DNTT: variants seen among roughly 807,000 people sequenced by gnomAD.
DNTT encodes DNA nucleotidylexotransferase, also known as nucleosidetriphosphate:DNA deoxynucleotidylexotransferase.
A neutral mutation model predicts 60.9 loss-of-function variants in DNTT; 47 were observed. The observed-to-expected ratio is 0.77, with a 90% CI of 0.61 to 0.98. DNTT has a LOEUF of 0.98. Ranked by LOEUF, DNTT falls within the 50% of genes least tolerant of loss-of-function variation. DNTT has a pLI of 0.00. For synonymous variants in DNTT, 224 were observed against 221.2 expected, an observed-to-expected ratio of 1.01 and a Z score of -0.11; for missense variants, 665 against 627.5, an observed-to-expected ratio of 1.06 and a Z score of -0.64.
Position 96,304,527 on chromosome 10 carries a change from C to T in DNTT, c.30C>T (p.Ser10=). The T allele has an allele frequency of 6.2e-7, 1 of 1,613,980 alleles. No homozygotes were observed. Among genetic ancestry groups the T allele is most frequent in the Non-Finnish European group, 8.5e-7 (1 of 1,180,012 alleles). MDPPRASHL[S]PRKKRPRQTG... Reference sequence around the variant, plus strand: ...ATCCACCACGAGCGTCCCACTTGAGCCCTCGGAAGAAGAGACCCCGGCAGA... The same window carrying T: ...ATCCACCACGAGCGTCCCACTTGAGTCCTCGGAAGAAGAGACCCCGGCAGA... Residue 10 remains serine (S), a synonymous_variant, in exon 1 of 11, where the codon AGC becomes AGT. Transcript: ENST00000371174.
chr10:96,336,027 C>G, intron 10 of DNTT, 53 bp downstream of exon 10: 4 of 1,583,132 alleles, frequency 2.5e-6, no homozygotes, highest in Non-Finnish European at 3.5e-6. Context: ...CCAAGGCTGG[C>G]CCCCGAGCTT....
chr10:96,325,305 GA>G (rs781175018), intron 6 of DNTT, among the ~76,000 whole-genome samples: 2 of 151,856 alleles, frequency 1.3e-5, no homozygotes. Context: ...AAGAGTCTAA[GA>G]AAAAAAGATC....
intron 3 of DNTT, 44 bp from the exon 4 acceptor site, chr10:96,320,574 G>T: frequency 6.2e-7 from 1 of 1,605,282 alleles, no homozygotes. Context: ...ACTGGCTCAG[G>T]GGCTTGGAAG....
intron 8 of DNTT, 109 bp downstream of exon 8, chr10:96,328,939 A>T (rs1004367941): frequency 1.8e-6 from 2 of 1,129,356 alleles, no homozygotes; most frequent in African/African-American, 3.1e-5. Context: ...TCAATTCTCA[A>T]TTATTTGTGG....
chr10:96,334,575 G>C (rs766630920), intron 9 of DNTT, among the ~76,000 whole-genome samples: 3 of 152,160 alleles, frequency 2.0e-5, no homozygotes, highest in Non-Finnish European at 4.4e-5. Flanking sequence ...GTTCTCAGCC[G>C]TGGGTTAAAT....
In DNTT at chr10:96,322,372, A is replaced by T. The variant is rs76381772; in HGVS notation, c.679-285A>T. On this transcript the variant is annotated intron_variant, in intron 4 of 10. Coordinates refer to ENST00000371174, the MANE Select transcript of DNTT (RefSeq NM_004088.4). ...AATTATCACCAATATTTGGACATACATTTTTCAGTGAATATTTTGGTTTGG... is the reference window on the plus strand; with the variant it reads ...AATTATCACCAATATTTGGACATACTTTTTTCAGTGAATATTTTGGTTTGG... Among the ~76,000 whole-genome samples, 4 of 152,256 alleles carry T rather than the reference A, an allele frequency of 2.6e-5. No individual in the cohort carries two copies. In the East Asian group the frequency reaches 7.7e-4, roughly 29 times the overall value.
intron 9 of DNTT, 46 bp downstream of exon 9, chr10:96,332,642 A>G: frequency 6.3e-7 from 1 of 1,596,088 alleles, no homozygotes; most frequent in Non-Finnish European, 8.6e-7. Context: ...TTTCTGAAAG[A>G]CGTAGGCCGA....
Position 96,338,221 on chromosome 10 carries a change from C to T in DNTT, c.1527C>T (p.Ala509=), listed in dbSNP as rs1589378969. 6.2e-7 allele frequency: 1 copy of T among 1,606,604 alleles called. No homozygotes were observed. The highest frequency in any genetic ancestry group is 1.1e-5 in the South Asian group (1 of 88,670). The stretch of plus-strand genomic sequence containing the variant: ...ATATTGAACCGTGGGAAAGAAATGC[C>T]TAGGAAAGTGTTGTCAACATTTTTT... ...LDYIEPWERN[A] is the part of the protein sequence containing the mutation. Residue 509 remains alanine, a synonymous_variant, in exon 11 of 11, where the codon GCC becomes GCT. Coordinates refer to ENST00000371174, the MANE Select transcript of DNTT (RefSeq NM_004088.4).
rs1222772010 is a variant in DNTT at position 96,338,175 on chromosome 10, T to C, written c.1481T>C (p.Phe494Ser). 1 of 1,613,488 alleles carries C rather than the reference T, an allele frequency of 6.2e-7. No homozygotes were observed. The highest frequency in any genetic ancestry group is 2.2e-5 in the East Asian group (1 of 44,832). The change falls in exon 11 of 11, where the codon TTT (phenylalanine) becomes TCT (serine). Residue 494 changes from phenylalanine (F) to serine (S), a missense_variant. Transcript: ENST00000371174. ...FLKAESEEEIFAHLGLDYIEP... is the reference protein window; with the variant it reads ...FLKAESEEEISAHLGLDYIEP... ...AAAGCAGAAAGTGAAGAAGAAATTT[T>C]TGCGCATCTGGGATTGGATTATATT...
chr10:96,319,262 G>A lies in DNTT; in HGVS notation c.379G>A (p.Val127Met). Residue 127 changes from valine (V) to methionine (M), a missense_variant and splice_region_variant, in exon 3 of 11, where the codon GTG (valine) becomes ATG (methionine). Coordinates refer to ENST00000371174, the MANE Select transcript of DNTT (RefSeq NM_004088.4). ...VEMTGKHQLVVRRDYSDSTNP... is the reference protein window; with the variant it reads ...VEMTGKHQLVMRRDYSDSTNP... ...AATGGATGCTTATGCATTTGTTTAG[G>A]TGAGAAGAGACTATTCAGATAGCAC... 6.2e-7 allele frequency: 1 copy of A among 1,612,596 alleles called. No homozygotes were observed.
intron 1 of DNTT, among the ~76,000 whole-genome samples, chr10:96,307,771 A>ATTT (rs1442892743): frequency 5.6e-5 from 6 of 107,826 alleles, no homozygotes; most frequent in African/African-American, 2.3e-4. Flanking sequence ...ATATATATAT[A>ATTT]TATATATTTT....
Position 96,324,310 on chromosome 10 carries a change from G to T in DNTT, c.795G>T (p.Lys265Asn), listed in dbSNP as rs544625393. Residue 265 changes from lysine (K) to asparagine (N), a missense_variant, in exon 6 of 11, where the codon AAG (lysine) becomes AAT (asparagine). By Grantham distance (94) the Lys-to-Asn change is moderately conservative (BLOSUM62 0). Coordinates refer to ENST00000371174, the MANE Select transcript of DNTT (RefSeq NM_004088.4). ...VFGVGLKTSE[K>N]WFRMGFRTLS... The stretch of plus-strand genomic sequence containing the variant: ...GAGTGGGGCTGAAGACTTCTGAGAA[G>T]TGGTTCAGGATGGGTTTCAGAACTC... 17 of 1,613,724 alleles carry T rather than the reference G, an allele frequency of 1.1e-5. No homozygotes were observed. The South Asian group carries it at 1.9e-4, about 18-fold the overall frequency.
rs71034371 is a variant in DNTT at position 96,336,940 on chromosome 10, G to GAA, written c.1443+983_1443+984dup. Reference sequence around the variant, plus strand: ...GCAACAGAGTGAGACTCTGTGTCAGGAAAAAAAAAAAAAAAAAAGTAATGA... The same window carrying GAA: ...GCAACAGAGTGAGACTCTGTGTCAGGAAAAAAAAAAAAAAAAAAAAGTAATGA... On this transcript the variant is annotated intron_variant, in intron 10 of 10. Coordinates refer to ENST00000371174, the MANE Select transcript of DNTT (RefSeq NM_004088.4). Among the ~76,000 whole-genome samples the GAA allele has an allele frequency of 2.7e-3, 352 of 129,894 alleles. 6 individuals carry two copies. Among genetic ancestry groups the GAA allele is most frequent in the East Asian group, 0.012 (52 of 4,284 alleles). 85.2% of individuals were successfully genotyped at this position (129,894 alleles called of 152,430 possible).
intron 1 of DNTT, among the ~76,000 whole-genome samples, chr10:96,310,573 A>G (rs945850714): frequency 1.3e-5 from 2 of 152,162 alleles, no homozygotes; most frequent in Admixed American, 6.5e-5. Context: ...AAGCCCCCAG[A>G]GAGAAGCTTT....
chr10:96,327,881 A>T (rs149217692), intron 7 of DNTT, among the ~76,000 whole-genome samples: 2 of 152,200 alleles, frequency 1.3e-5, no homozygotes, highest in African/African-American at 4.8e-5. Flanking sequence ...TCATTCTTTA[A>T]CACTCAATTT....
intron 5 of DNTT, among the ~76,000 whole-genome samples, chr10:96,323,904 T>G (rs990774383): frequency 4.6e-5 from 7 of 152,164 alleles, no homozygotes; most frequent in African/African-American, 1.4e-4. Flanking sequence ...AGGGTACCTA[T>G]GCAGAGCATG....
In DNTT at chr10:96,322,802, TAGTC is replaced by T. The variant is rs1407885214; in HGVS notation, c.750+77_750+80del. 1.1e-5 allele frequency: 14 copies of T among 1,253,058 alleles called. No individual in the cohort carries two copies. In the East Asian group the frequency reaches 1.5e-4, roughly 13 times the overall value. 77.6% of individuals were successfully genotyped at this position (1,253,058 alleles called of 1,614,324 possible). A position where few individuals can be genotyped will look rare whatever the true frequency, so the allele number is the denominator to read the frequency against. On this transcript the variant is annotated intron_variant, in intron 5 of 10. Coordinates refer to ENST00000371174, the MANE Select transcript of DNTT (RefSeq NM_004088.4). The stretch of plus-strand genomic sequence containing the variant: ...TATTACTTATTCTGGCTGGTTGTAT[TAGTC>T]AGCTTGGGCTGCAATAACAAAATAC...
chr10:96,320,688 G>A lies in DNTT; in HGVS notation c.578G>A (p.Arg193Lys). ...GAAGACTCCTGTGTGACATTTATGA[G>A]AGCAGCTTCTGTATTGAAATCTCTG... ...ENEDSCVTFMRAASVLKSLPF... is the reference protein window; with the variant it reads ...ENEDSCVTFMKAASVLKSLPF... The change falls in exon 4 of 11, where the codon AGA becomes AAA. Residue 193 changes from arginine to lysine, a missense_variant. Physicochemically the swap from Arg to Lys is conservative, Grantham distance 26. Transcript: ENST00000371174. 1 of 1,613,856 alleles carries A rather than the reference G, an allele frequency of 6.2e-7. No homozygotes were observed. The highest frequency in any genetic ancestry group is 1.7e-5 in the Admixed American group (1 of 60,010).
At chr10:96,314,435 T>A (rs11188707) in intron 1 of DNTT, among the ~76,000 whole-genome samples, 5 of 137,436 alleles carry the variant, frequency 3.6e-5, no homozygotes, top group Non-Finnish European at 7.9e-5. Context: ...TTTTTTGAGA[T>A]GGAGTTTCGC....
Sources: allele counts gnomAD v4.1 joint callset (sites outside exome capture counted in the v4.1 genomes callset), GRCh38; gene constraint gnomAD v4.1.1; transcripts MANE v1.5; gene names NCBI Gene and HGNC (gene_info 2026-07-23, HGNC 2026-07-21).